The following LGR4 variants were observed in gnomAD, a reference collection of about 807,000 sequenced individuals.
LGR4 encodes the protein leucine-rich repeat-containing G protein-coupled receptor 4.
Under a neutral mutation model 84.8 loss-of-function variants are expected in LGR4, and 44 were observed. The observed-to-expected ratio is 0.52, with a 90% CI of 0.41 to 0.67. The LOEUF is 0.67. Among genes scored for constraint, LGR4 ranks in the 30% least tolerant of loss-of-function variants. LGR4 has a pLI of 0.00. For missense variants in LGR4, 1,032 were observed against 1,131.4 expected (o/e 0.91, Z 1.26); for synonymous variants, 429 against 434.3 (o/e 0.99, Z 0.15).
chr11:27,377,481 G>GTA (rs896556799), intron 11 of LGR4, among the ~76,000 whole-genome samples: 1 of 150,784 alleles, frequency 6.6e-6, no homozygotes, highest in African/African-American at 2.4e-5. Context: ...TTTCTATAAA[G>GTA]TATATATATA....
chr11:27,452,651 AG>A (rs1440477305), intron 1 of LGR4, among the ~76,000 whole-genome samples: 16 of 81,162 alleles, frequency 2.0e-4, no homozygotes, highest in East Asian at 1.7e-3. Flanking sequence ...TTTTTGAGAC[AG>A]AGTCTCTGTC....
At chr11:27,454,829 A>G (rs1462586840) in intron 1 of LGR4, among the ~76,000 whole-genome samples, 1 of 152,060 alleles carries the variant, frequency 6.6e-6, no homozygotes, top group African/African-American at 2.4e-5. Flanking sequence ...ATTATCTCCT[A>G]CAATTTCAAC....
chr11:27,430,015 G>A (rs116586012), intron 1 of LGR4, among the ~76,000 whole-genome samples: 7,787 of 151,446 alleles, frequency 0.051, 248 homozygotes, highest in Middle Eastern at 0.093. Flanking sequence ...GTGTAGATGG[G>A]GCCCCAGACA....
intron 1 of LGR4, among the ~76,000 whole-genome samples, chr11:27,456,431 T>C (rs1394546339): frequency 6.6e-6 from 1 of 152,134 alleles, no homozygotes; most frequent in Non-Finnish European, 1.5e-5. Context: ...TATGCTGACT[T>C]CCCTATAAAA....
intron 1 of LGR4, among the ~76,000 whole-genome samples, chr11:27,434,647 A>G (rs1037404108): frequency 6.6e-6 from 1 of 152,230 alleles, no homozygotes; most frequent in Non-Finnish European, 1.5e-5. Context: ...TCTGTCAAGG[A>G]CACTAGAGAA....
At chr11:27,430,244 T>C (rs1404972707) in intron 1 of LGR4, among the ~76,000 whole-genome samples, 1 of 152,050 alleles carries the variant, frequency 6.6e-6, no homozygotes, top group African/African-American at 2.4e-5. Flanking sequence ...AGAAGAACAA[T>C]AGTATGCTTA....
intron 4 of LGR4, among the ~76,000 whole-genome samples, chr11:27,387,367 A>G (rs1429201343): frequency 6.6e-6 from 1 of 152,224 alleles, no homozygotes; most frequent in African/African-American, 2.4e-5. Flanking sequence ...TAAACAGGGC[A>G]CTGAGGTTAA....
In LGR4 at chr11:27,365,987, A is replaced by G. The variant is rs2133355335; in HGVS notation, c.*1880T>C. ...TGCTTTCTAGAAACTTTAATAATTC[A>G]AAACACTGAGTACAATATTGTATTT... is the stretch of plus-strand genomic sequence containing the variant. On this transcript the variant is annotated 3_prime_UTR_variant, in exon 18 of 18. Coordinates refer to ENST00000379214, the MANE Select transcript of LGR4 (RefSeq NM_018490.5). 1 of 152,602 alleles carries G rather than the reference A, an allele frequency of 6.6e-6. No homozygotes were observed. Among genetic ancestry groups the G allele is most frequent in the African/African-American group, 2.4e-5 (1 of 41,588 alleles). The allele number at this position is 152,602 out of a possible 1,614,324, so 9.5% of individuals were successfully genotyped here.
intron 1 of LGR4, among the ~76,000 whole-genome samples, chr11:27,437,296 A>C (rs1281869917): frequency 6.6e-6 from 1 of 150,502 alleles, no homozygotes; most frequent in Non-Finnish European, 1.5e-5. Context: ...TGTTTTGGCC[A>C]ATTTTTTTTT....
At chr11:27,406,844 C>G in intron 2 of LGR4, among the ~76,000 whole-genome samples, 1 of 152,160 alleles carries the variant, frequency 6.6e-6, no homozygotes. Context: ...TGGGAAATTA[C>G]TGCAGTCAAG....
At chr11:27,406,908 T>G (rs1863621715) in intron 2 of LGR4, among the ~76,000 whole-genome samples, 1 of 152,136 alleles carries the variant, frequency 6.6e-6, no homozygotes, top group African/African-American at 2.4e-5. Flanking sequence ...TGAGTCAAAC[T>G]TTAGTTTGGA....
Position 27,380,925 on chromosome 11 carries a change from G to C in LGR4, c.800C>G (p.Ala267Gly), listed in dbSNP as rs780762647. ...TCTTAAGAGTGGATTACCATCAAAT[G>C]CTCCATCAGGGATAACAGAAATAGA... ...SNSISVIPDG[A>G]FDGNPLLRTI... The change falls in exon 8 of 18, where the codon GCA becomes GGA. Residue 267 changes from alanine (A) to glycine (G), a missense_variant. By Grantham distance (60) the Ala-to-Gly change is moderately conservative. Coordinates refer to ENST00000379214, the MANE Select transcript of LGR4 (RefSeq NM_018490.5). 1.9e-6 allele frequency: 3 copies of C among 1,557,450 alleles called. No individual in the cohort carries two copies. The highest frequency in any genetic ancestry group is 2.7e-6 in the Non-Finnish European group (3 of 1,129,100).
Position 27,367,643 on chromosome 11 carries a change from A to G in LGR4, c.*224T>C. The G allele has an allele frequency of 2.3e-6, 1 of 434,574 alleles. No individual in the cohort carries two copies. The highest frequency in any genetic ancestry group is 3.6e-5 in the East Asian group (1 of 28,052). The allele number at this position is 434,574 out of a possible 1,614,324, so 26.9% of individuals were successfully genotyped here. A position where few individuals can be genotyped will look rare whatever the true frequency, so the allele number is the denominator to read the frequency against. Reference sequence around the variant, plus strand: ...CTTTTCAAGTCATATATTTGTTTCAAACAGATCATACATTGCTTGGACATT... The same window carrying G: ...CTTTTCAAGTCATATATTTGTTTCAGACAGATCATACATTGCTTGGACATT... On this transcript the variant is annotated 3_prime_UTR_variant, in exon 18 of 18. Transcript: ENST00000379214.
intron 16 of LGR4, 88 bp downstream of exon 16, chr11:27,372,195 A>G (rs1260908988): frequency 3.6e-6 from 3 of 839,706 alleles, no homozygotes; most frequent in Admixed American, 1.9e-5. Context: ...CAGATTTCCT[A>G]TTGATCATTC....
intron 2 of LGR4, among the ~76,000 whole-genome samples, chr11:27,410,101 T>C (rs1863682887): frequency 1.3e-5 from 2 of 152,292 alleles, no homozygotes; most frequent in African/African-American, 2.4e-5. Context: ...TTTTTCATTT[T>C]ATTTAATTTT....
At chr11:27,382,897 G>T (rs111574409) in intron 6 of LGR4, among the ~76,000 whole-genome samples, 10,641 of 152,116 alleles carry the variant, frequency 0.07, 663 homozygotes, top group African/African-American at 0.16. Flanking sequence ...CATGCCTGTA[G>T]TCCCAGCTAC....
intron 1 of LGR4, among the ~76,000 whole-genome samples, chr11:27,427,042 C>T (rs891770159): frequency 1.3e-5 from 2 of 152,162 alleles, no homozygotes; most frequent in African/African-American, 4.8e-5. Context: ...ACAGTACTAC[C>T]TGTACCTAAC....
intron 2 of LGR4, among the ~76,000 whole-genome samples, chr11:27,392,993 G>C (rs1449413965): frequency 6.6e-6 from 1 of 152,188 alleles, no homozygotes; most frequent in Non-Finnish European, 1.5e-5. Context: ...GTGCAAAAGA[G>C]AGGCAAAAAG....
At chr11:27,466,960 A>G (rs1204547413) in intron 1 of LGR4, among the ~76,000 whole-genome samples, 1 of 151,454 alleles carries the variant, frequency 6.6e-6, no homozygotes, top group Non-Finnish European at 1.5e-5. Flanking sequence ...ATTTTTTTTT[A>G]TTTTAAGTAG....
Sources: allele counts gnomAD v4.1 joint callset (sites outside exome capture counted in the v4.1 genomes callset), GRCh38; gene constraint gnomAD v4.1.1; transcripts MANE v1.5; gene names NCBI Gene and HGNC (gene_info 2026-07-23, HGNC 2026-07-21).